The following LRP1B variants were observed in gnomAD, a reference collection of about 807,000 sequenced individuals.
LRP1B encodes the protein low-density lipoprotein receptor-related protein 1B.
Under a neutral mutation model 556.6 loss-of-function variants are expected in LRP1B, and 217 were observed. That is an observed-to-expected ratio of 0.39 (90% CI 0.35 to 0.44). LRP1B has a LOEUF of 0.44. Ranked by LOEUF, LRP1B falls within the 20% of genes least tolerant of loss-of-function variation. The probability of loss-of-function intolerance (pLI) is 1.00; values close to 1 mark genes in which losing one functional copy is unlikely to be tolerated. For missense variants in LRP1B, 5,053 were observed against 5,620.8 expected (o/e 0.90, Z 3.23); for synonymous variants, 2,047 against 1,865.8 (o/e 1.10, Z -2.50).
At chr2:140,986,832 C>T (rs911690311) in intron 17 of LRP1B, among the ~76,000 whole-genome samples, 12 of 152,072 alleles carry the variant, frequency 7.9e-5, no homozygotes, top group East Asian at 1.9e-4. Context: ...AACAAATTCA[C>T]GAAGTAGAAA....
At chr2:140,598,995 T>G (rs537266891) in intron 42 of LRP1B, among the ~76,000 whole-genome samples, 160 bp from the exon 43 acceptor site, 5 of 152,280 alleles carry the variant, frequency 3.3e-5, no homozygotes, top group Non-Finnish European at 4.4e-5. Context: ...GATATGCATA[T>G]TATATATGCA....
chr2:140,365,725 T>C (rs1388784651), intron 71 of LRP1B, among the ~76,000 whole-genome samples: 1 of 151,652 alleles, frequency 6.6e-6, no homozygotes, highest in African/African-American at 2.4e-5. Context: ...ATAAATTAGA[T>C]TGCTCCCAAA....
chr2:140,440,743 A>ATGTGTGTG (rs375585057), intron 66 of LRP1B, among the ~76,000 whole-genome samples: 5 of 150,498 alleles, frequency 3.3e-5, no homozygotes, highest in South Asian at 2.1e-4. Flanking sequence ...CTCTGTATGT[A>ATGTGTGTG]TGTGTGTGTG....
intron 2 of LRP1B, among the ~76,000 whole-genome samples, chr2:141,581,717 T>C (rs1015995629): frequency 1.3e-5 from 2 of 152,226 alleles, no homozygotes; most frequent in Non-Finnish European, 2.9e-5. Context: ...TGCCATATCA[T>C]GTCTTTATAA....
At chr2:140,507,390 G>T (rs549981921) in intron 52 of LRP1B, among the ~76,000 whole-genome samples, 18 of 152,218 alleles carry the variant, frequency 1.2e-4, no homozygotes, top group Non-Finnish European at 2.4e-4. Flanking sequence ...AACTAAGAAG[G>T]TTTAGAATGT....
chr2:141,393,662 A>G (rs1690137077), intron 3 of LRP1B, among the ~76,000 whole-genome samples: 1 of 152,212 alleles, frequency 6.6e-6, no homozygotes, highest in South Asian at 2.1e-4. Flanking sequence ...TGGGTCGGCT[A>G]AGAAATAAAA....
At chr2:141,676,048 G>A (rs976110049) in intron 2 of LRP1B, among the ~76,000 whole-genome samples, 8 of 151,974 alleles carry the variant, frequency 5.3e-5, no homozygotes, top group Non-Finnish European at 1.2e-4. Context: ...GGATATGTAC[G>A]TTAAAGATGA....
intron 1 of LRP1B, among the ~76,000 whole-genome samples, chr2:141,914,534 A>G (rs927540940): frequency 1.7e-4 from 26 of 152,336 alleles, no homozygotes; most frequent in African/African-American, 6.0e-4. Flanking sequence ...AACAAAAGGC[A>G]TCCAAATAGG....
rs895266307 is a variant in LRP1B, at chr2:141,863,579, A to AT, written c.83-53179dup. On this transcript the variant is annotated intron_variant, in intron 1 of 90. Transcript: ENST00000389484. ...TAATTGCAGATAAATTGTTCTGCTT[A>AT]TTTTTTGTGACAGGAGATCAACAAA... 3.9e-5 allele frequency among the ~76,000 whole-genome samples: 6 copies of AT among 152,272 alleles called. 1 individual carries two copies. The highest frequency in any genetic ancestry group is 1.9e-4 in the East Asian group (1 of 5,172).
At position 140,339,948 on chromosome 2, in the gene LRP1B, T is replaced by C. The variant is rs531694357; in HGVS notation, c.11893-4110A>G. Among the ~76,000 whole-genome samples, 5 of 151,728 alleles carry C rather than the reference T, an allele frequency of 3.3e-5. No individual in the cohort carries two copies. In the South Asian group the frequency reaches 1.0e-3, roughly 31 times the overall value. On this transcript the variant is annotated intron_variant, in intron 77 of 90. Coordinates refer to ENST00000389484, the MANE Select transcript of LRP1B (RefSeq NM_018557.3). ...ATTTTAAGGCTGCAATGATCTACAT[T>C]AGGACCATGTCAACTTGGAATAAAC...
At chr2:141,825,080 A>C (rs1696879123) in intron 1 of LRP1B, among the ~76,000 whole-genome samples, 1 of 152,226 alleles carries the variant, frequency 6.6e-6, no homozygotes, top group African/African-American at 2.4e-5. Context: ...CGCCCCAAAC[A>C]TGCGGAACTG....
intron 35 of LRP1B, among the ~76,000 whole-genome samples, chr2:140,767,328 G>C (rs913723066): frequency 2.0e-5 from 3 of 151,832 alleles, no homozygotes; most frequent in East Asian, 1.9e-4. Context: ...ATAAAAATAT[G>C]GTAGGCAAAA....
At chr2:141,946,576 AT>A (rs2105025384) in intron 1 of LRP1B, among the ~76,000 whole-genome samples, 1 of 152,302 alleles carries the variant, frequency 6.6e-6, no homozygotes, top group South Asian at 2.1e-4. Context: ...GAACTGTAAA[AT>A]TTGATAGACA....
At chr2:141,289,101 C>A (rs576196581) in intron 3 of LRP1B, among the ~76,000 whole-genome samples, 4 of 148,730 alleles carry the variant, frequency 2.7e-5, no homozygotes, top group African/African-American at 1.0e-4. Context: ...AATGCAAATG[C>A]GGCCGGGCGC....
At chr2:141,726,294 A>G (rs979815059) in intron 2 of LRP1B, among the ~76,000 whole-genome samples, 3 of 151,566 alleles carry the variant, frequency 2.0e-5, no homozygotes, top group African/African-American at 4.8e-5. Context: ...GTTAATTATT[A>G]TAATCTCTGG....
At chr2:141,461,927 C>A (rs1681888728) in intron 3 of LRP1B, among the ~76,000 whole-genome samples, 1 of 152,180 alleles carries the variant, frequency 6.6e-6, no homozygotes, top group African/African-American at 2.4e-5. Context: ...TTCTCTCAAA[C>A]TATTTTTCCT....
intron 1 of LRP1B, among the ~76,000 whole-genome samples, chr2:141,854,077 A>G (rs1430913828): frequency 6.6e-6 from 1 of 152,036 alleles, no homozygotes; most frequent in Non-Finnish European, 1.5e-5. Context: ...ACCATTAAAC[A>G]TTGCAATAAA....
intron 68 of LRP1B, among the ~76,000 whole-genome samples, chr2:140,377,932 A>G (rs1363275558): frequency 6.6e-6 from 1 of 152,204 alleles, no homozygotes; most frequent in African/African-American, 2.4e-5. Context: ...CAAACATCCT[A>G]TTCCTACAAC....
At chr2:140,715,474 A>G (rs1235269666) in intron 37 of LRP1B, among the ~76,000 whole-genome samples, 1 of 152,138 alleles carries the variant, frequency 6.6e-6, no homozygotes, top group African/African-American at 2.4e-5. Flanking sequence ...TGAAGCATCC[A>G]GATGAAAATG....
Sources: allele counts gnomAD v4.1 joint callset (sites outside exome capture counted in the v4.1 genomes callset), GRCh38; gene constraint gnomAD v4.1.1; transcripts MANE v1.5; gene names NCBI Gene and HGNC (gene_info 2026-07-23, HGNC 2026-07-21).